The following CAPS2 variants were observed in gnomAD, a reference collection of about 807,000 sequenced individuals.
CAPS2 encodes the protein calcyphosine 2.
A neutral mutation model predicts 86.5 loss-of-function variants in CAPS2; 98 were observed. The observed-to-expected ratio is 1.13, with a 90% CI of 0.96 to 1.34. The LOEUF is 1.34. Among genes scored for constraint, CAPS2 ranks in the 40% most tolerant of loss-of-function variants. CAPS2 has a pLI of 0.00. For missense variants in CAPS2, 729 were observed against 686.8 expected, an observed-to-expected ratio of 1.06 and a Z score of -0.69; for synonymous variants, 210 against 225.1, an observed-to-expected ratio of 0.93 and a Z score of 0.60.
chr12:75,286,266 A>G (rs1422056559), intron 14 of CAPS2, among the ~76,000 whole-genome samples: 1 of 151,978 alleles, frequency 6.6e-6, no homozygotes, highest in Non-Finnish European at 1.5e-5. Context: ...CAACAACCCC[A>G]TACATCTTTG....
At chr12:75,347,886 T>A (rs2042560942) in intron 1 of CAPS2, among the ~76,000 whole-genome samples, 1 of 152,122 alleles carries the variant, frequency 6.6e-6, no homozygotes, top group African/African-American at 2.4e-5. Context: ...GGTGACAGAA[T>A]ATTGCCTTAC....
chr12:75,383,570 G>T (rs539468553), intron 1 of CAPS2, among the ~76,000 whole-genome samples: 1 of 151,994 alleles, frequency 6.6e-6, no homozygotes, highest in African/African-American at 2.4e-5. Flanking sequence ...AGAAATAGAC[G>T]AATCTACTAT....
chr12:75,289,672 CT>C lies in CAPS2; in HGVS notation c.1343del (p.Lys448ArgfsTer8). ...CTTTTAGAGCTTGCTTAAAATCTGC[CT>C]TATCTAAAAGTCCATTTCCTTCCTT... is the stretch of plus-strand genomic sequence containing the variant. On this transcript the variant is annotated frameshift_variant, in exon 14 of 17. Transcript: ENST00000393284. LOFTEE classifies it high-confidence loss of function. The C allele has an allele frequency of 6.2e-7, 1 of 1,613,334 alleles. No individual in the cohort carries two copies. Among genetic ancestry groups the C allele is most frequent in the Non-Finnish European group, 8.5e-7 (1 of 1,179,692 alleles).
chr12:75,350,709 T>C (rs1010790522), intron 1 of CAPS2, among the ~76,000 whole-genome samples: 4 of 152,004 alleles, frequency 2.6e-5, no homozygotes, highest in African/African-American at 9.7e-5. Flanking sequence ...GATTCAAAGA[T>C]CAAAGGTAGA....
intron 1 of CAPS2, among the ~76,000 whole-genome samples, chr12:75,355,849 C>A (rs1344544890): frequency 2.6e-5 from 4 of 152,112 alleles, no homozygotes; most frequent in African/African-American, 9.7e-5. Flanking sequence ...GAGCTAGAAG[C>A]TATTATTCTT....
chr12:75,328,219 C>T (rs111650607), upstream of CAPS2, among the ~76,000 whole-genome samples: 1,626 of 152,146 alleles, frequency 0.011, 20 homozygotes, highest in African/African-American at 0.031. Flanking sequence ...TTATTGTATT[C>T]GCGATGATGA....
chr12:75,329,932 C>A, upstream of CAPS2: 1 of 1,409,790 alleles, frequency 7.1e-7, no homozygotes, highest in Non-Finnish European at 9.8e-7. Context: ...TTTCACCTAA[C>A]AAGCTCGGTA....
In CAPS2 at chr12:75,325,281, C is replaced by T; in HGVS notation, c.89G>A (p.Trp30Ter). The change falls in exon 2 of 17, where the codon TGG becomes TAG. Residue 30 changes from tryptophan (W) to a stop codon, truncating the protein, a stop_gained. Coordinates refer to ENST00000393284, the Ensembl canonical transcript of CAPS2. LOFTEE classifies it high-confidence loss of function. Reference sequence around the variant, plus strand: ...CTGGTTTGTCCATGACTCAGAAGTCCACCTTTGCTTTAATTAAAAAAAAAA... The same window carrying T: ...CTGGTTTGTCCATGACTCAGAAGTCTACCTTTGCTTTAATTAAAAAAAAAA... The T allele has an allele frequency of 6.5e-7, 1 of 1,545,582 alleles. No individual in the cohort carries two copies. Among genetic ancestry groups the T allele is most frequent in the Non-Finnish European group, 8.7e-7 (1 of 1,144,426 alleles).
intron 1 of CAPS2, chr12:75,347,704 T>A: frequency 6.2e-7 from 1 of 1,600,660 alleles, no homozygotes. Flanking sequence ...GCAATATTTG[T>A]ATGCAACTAC....
chr12:75,306,363 C>A, intron 7 of CAPS2: 1 of 457,040 alleles, frequency 2.2e-6, no homozygotes. Context: ...TGAGGACTAG[C>A]AAGGTCTGGA....
chr12:75,354,675 A>G (rs2043035890), intron 1 of CAPS2, among the ~76,000 whole-genome samples: 1 of 152,226 alleles, frequency 6.6e-6, no homozygotes, highest in Admixed American at 6.5e-5. Flanking sequence ...TAGCCAAGAC[A>G]TCCTAAGCAG....
chr12:75,304,677 C>T, intron 8 of CAPS2, 80 bp downstream of exon 8: 1 of 1,066,882 alleles, frequency 9.4e-7, no homozygotes, highest in Non-Finnish European at 1.3e-6. Flanking sequence ...ACAAAAGCTC[C>T]AGCTAGACAC....
intron 14 of CAPS2, among the ~76,000 whole-genome samples, chr12:75,286,291 C>T (rs976031935): frequency 6.6e-6 from 1 of 151,950 alleles, no homozygotes; most frequent in Admixed American, 6.6e-5. Flanking sequence ...TCATAATGTA[C>T]TGCACATTAT....
upstream of CAPS2, among the ~76,000 whole-genome samples, chr12:75,331,100 A>C (rs2041266297): frequency 6.6e-6 from 1 of 152,066 alleles, no homozygotes; most frequent in African/African-American, 2.4e-5. Context: ...ATTTTTATGT[A>C]TGCTCTGTAC....
Sources: gnomAD v4.1 joint callset for allele counts (sites outside exome capture counted in the v4.1 genomes callset) on GRCh38, gnomAD v4.1.1 for gene constraint, MANE v1.5 for transcripts, NCBI Gene and HGNC (gene_info 2026-07-23, HGNC 2026-07-21) for gene names.